PTPRJ: variants seen among roughly 807,000 people sequenced by gnomAD.
The protein encoded by PTPRJ is receptor-type tyrosine-protein phosphatase eta.
Under a neutral mutation model 141.3 loss-of-function variants are expected in PTPRJ, and 129 were observed. The ratio of observed to expected loss-of-function variants is 0.91; its 90% CI spans 0.79 to 1.06. The LOEUF (loss-of-function observed/expected upper bound fraction) is 1.06. Among genes scored for constraint, PTPRJ ranks in the 50% least tolerant of loss-of-function variants. The pLI, the probability that PTPRJ is intolerant of heterozygous loss-of-function variation, is 0.00. For missense variants in PTPRJ, 1,601 were observed against 1,679.7 expected, an observed-to-expected ratio of 0.95 and a Z score of 0.82; for synonymous variants, 610 against 640.5, an observed-to-expected ratio of 0.95 and a Z score of 0.72.
chr11:48,056,048 G>A (rs576659608), intron 1 of PTPRJ, among the ~76,000 whole-genome samples: 3 of 152,310 alleles, frequency 2.0e-5, no homozygotes, highest in African/African-American at 7.2e-5. Flanking sequence ...AGGTTGTGGT[G>A]CGTGTAGGAT....
At chr11:48,094,791 G>T (rs1157812267) in intron 1 of PTPRJ, among the ~76,000 whole-genome samples, 1 of 152,136 alleles carries the variant, frequency 6.6e-6, no homozygotes, top group Non-Finnish European at 1.5e-5. Context: ...TTAGATTTTG[G>T]ATTAGACTTT....
intron 1 of PTPRJ, among the ~76,000 whole-genome samples, chr11:48,019,822 G>T (rs1240364684): frequency 6.6e-6 from 1 of 152,198 alleles, no homozygotes; most frequent in Non-Finnish European, 1.5e-5. Flanking sequence ...TAGTGGTTCT[G>T]GGTGCAACTG....
At chr11:48,109,638 G>A (rs927092882) in intron 1 of PTPRJ, among the ~76,000 whole-genome samples, 7 of 152,160 alleles carry the variant, frequency 4.6e-5, no homozygotes, top group African/African-American at 1.7e-4. Context: ...GGGGTGTGCT[G>A]GGCTTGGTAT....
At chr11:48,135,897 A>C (rs1276789178) in intron 8 of PTPRJ, 142 bp from the exon 9 acceptor site, 3 of 913,604 alleles carry the variant, frequency 3.3e-6, no homozygotes, top group Non-Finnish European at 5.1e-6. Context: ...TGCATTTCTC[A>C]GCTCGATTTT....
At chr11:48,108,389 A>G (rs1856352834) in intron 1 of PTPRJ, among the ~76,000 whole-genome samples, 1 of 152,232 alleles carries the variant, frequency 6.6e-6, no homozygotes, top group Non-Finnish European at 1.5e-5. Context: ...CCGCAGTTAC[A>G]TGGCCAGAAG....
At chr11:48,160,125 A>G in intron 22 of PTPRJ, 76 bp downstream of exon 22, 1 of 1,537,884 alleles carries the variant, frequency 6.5e-7, no homozygotes, top group East Asian at 2.3e-5. Context: ...TTTTAGGTTG[A>G]TATTAACTAA....
At chr11:48,099,249 A>G (rs1856092969) in intron 1 of PTPRJ, among the ~76,000 whole-genome samples, 2 of 152,230 alleles carry the variant, frequency 1.3e-5, no homozygotes, top group Admixed American at 1.3e-4. Flanking sequence ...AAATGCAGCC[A>G]CTGCTTGTTT....
At chr11:48,129,933 C>G (rs1856930249) in intron 7 of PTPRJ, among the ~76,000 whole-genome samples, 1 of 152,016 alleles carries the variant, frequency 6.6e-6, no homozygotes, top group Non-Finnish European at 1.5e-5. Flanking sequence ...CTTCGTTGAG[C>G]AAAACTTAGT....
intron 1 of PTPRJ, among the ~76,000 whole-genome samples, chr11:48,038,257 C>T (rs532381833): frequency 2.9e-4 from 44 of 152,160 alleles, no homozygotes; most frequent in African/African-American, 6.3e-4. Context: ...GTGTTCATGG[C>T]GTAACTTAAT....
chr11:48,121,821 C>T (rs1276790437), intron 4 of PTPRJ, among the ~76,000 whole-genome samples: 1 of 151,720 alleles, frequency 6.6e-6, no homozygotes, highest in Non-Finnish European at 1.5e-5. Context: ...CTGAAAAGAA[C>T]CAAACATTTT....
At chr11:48,051,122 A>G (rs12273163) in intron 1 of PTPRJ, among the ~76,000 whole-genome samples, 8,954 of 121,698 alleles carry the variant, frequency 0.074, 1,018 homozygotes, top group African/African-American at 0.26. Flanking sequence ...TTGAGATGGA[A>G]TCTCGCTCTG....
chr11:47,984,565 G>GTTTT (rs397848968), intron 1 of PTPRJ, among the ~76,000 whole-genome samples: 1 of 146,470 alleles, frequency 6.8e-6, no homozygotes, highest in Non-Finnish European at 1.5e-5. Context: ...TTATTTGTTT[G>GTTTT]TTTTTTTTTT....
chr11:48,008,833 A>C (rs1227307391), intron 1 of PTPRJ, among the ~76,000 whole-genome samples: 2 of 151,032 alleles, frequency 1.3e-5, no homozygotes, highest in Non-Finnish European at 3.0e-5. Context: ...CCAAAGTGCT[A>C]GGATTACAGT....
chr11:48,087,258 A>T (rs1182758754), intron 1 of PTPRJ, among the ~76,000 whole-genome samples: 1 of 152,236 alleles, frequency 6.6e-6, no homozygotes, highest in African/African-American at 2.4e-5. Context: ...GGTCCTTGTT[A>T]AAAAGAGATA....
chr11:48,075,682 C>T (rs1317212508), intron 1 of PTPRJ, among the ~76,000 whole-genome samples: 1 of 152,162 alleles, frequency 6.6e-6, no homozygotes. Flanking sequence ...ATCTTCCCAT[C>T]TTGGCCTCCC....
In PTPRJ at chr11:48,120,602, G is replaced by GT. The variant is rs201304203; in HGVS notation, c.353-393dup. Among the ~76,000 whole-genome samples, 610 of 151,048 alleles carry GT rather than the reference G, an allele frequency of 4.0e-3. 2 individuals are homozygous for GT. Among genetic ancestry groups the GT allele is most frequent in the African/African-American group, 8.4e-3 (347 of 41,220 alleles). On this transcript the variant is annotated intron_variant, in intron 3 of 24. Transcript: ENST00000418331. ...CACCACACCCAGCTAATTTTTTTTT[G>GT]TTTTTTTTGTTTTTTTAGTAGAGGT...
chr11:48,128,182 T>C (rs1174611351), intron 7 of PTPRJ, 139 bp downstream of exon 7: 4 of 1,125,584 alleles, frequency 3.6e-6, no homozygotes, highest in Non-Finnish European at 5.1e-6. Flanking sequence ...TTCCTTGCAC[T>C]GGCACATTGT....
intron 14 of PTPRJ, among the ~76,000 whole-genome samples, chr11:48,146,510 C>T (rs1857353981): frequency 6.6e-6 from 1 of 152,168 alleles, no homozygotes; most frequent in Admixed American, 6.5e-5. Context: ...GGTACCTCTG[C>T]TCATATGTGG....
At chr11:48,000,563 G>A (rs1333021839) in intron 1 of PTPRJ, among the ~76,000 whole-genome samples, 1 of 151,982 alleles carries the variant, frequency 6.6e-6, no homozygotes, top group Admixed American at 6.6e-5. Flanking sequence ...CTTAGATCAG[G>A]ATGATCAGAC....
Sources: gnomAD v4.1 joint callset for allele counts (sites outside exome capture counted in the v4.1 genomes callset) on GRCh38, gnomAD v4.1.1 for gene constraint, MANE v1.5 for transcripts, NCBI Gene and HGNC (gene_info 2026-07-23, HGNC 2026-07-21) for gene names.